Variants in GPC5 observed in about 807,000 individuals in gnomAD.
The protein encoded by GPC5 is glypican 5.
In GPC5, 47 loss-of-function variants were observed where a neutral mutation model predicts 53.9. The observed-to-expected ratio is 0.87, with a 90% CI of 0.69 to 1.11. GPC5 has a LOEUF of 1.11. GPC5 is among the 50% of genes most tolerant of loss of function. The probability of loss-of-function intolerance (pLI) is 0.00; values close to 1 mark genes in which losing one functional copy is unlikely to be tolerated. For missense variants in GPC5, 748 were observed against 713.1 expected (o/e 1.05, Z -0.56); for synonymous variants, 286 against 263.3 (o/e 1.09, Z -0.84).
chr13:92,513,659 T>C (rs1320520572), intron 7 of GPC5, among the ~76,000 whole-genome samples: 1 of 152,090 alleles, frequency 6.6e-6, no homozygotes, highest in African/African-American at 2.4e-5. Flanking sequence ...TTTGAAATGC[T>C]TGGGATAAGA....
intron 7 of GPC5, among the ~76,000 whole-genome samples, chr13:92,545,718 C>A (rs1379245961): frequency 1.3e-5 from 2 of 152,228 alleles, no homozygotes; most frequent in East Asian, 3.9e-4. Context: ...TAAATGTCTT[C>A]TTTTGAGAAG....
intron 2 of GPC5, among the ~76,000 whole-genome samples, chr13:91,602,919 T>C (rs1367727153): frequency 6.6e-6 from 1 of 152,222 alleles, no homozygotes; most frequent in African/African-American, 2.4e-5. Context: ...ACGCCTAGAA[T>C]ATGGAGTTAT....
At chr13:91,717,279 A>G (rs1566633047) in intron 3 of GPC5, among the ~76,000 whole-genome samples, 1 of 152,258 alleles carries the variant, frequency 6.6e-6, no homozygotes, top group Non-Finnish European at 1.5e-5. Flanking sequence ...GTAAATTCAC[A>G]TGAAATAATT....
chr13:91,473,138 A>G (rs1882730933), intron 2 of GPC5, among the ~76,000 whole-genome samples: 1 of 152,162 alleles, frequency 6.6e-6, no homozygotes, highest in South Asian at 2.1e-4. Flanking sequence ...TTATAAAACA[A>G]TCAAATCTCA....
intron 7 of GPC5, among the ~76,000 whole-genome samples, chr13:92,383,389 A>G (rs2043766266): frequency 6.6e-6 from 1 of 152,212 alleles, no homozygotes; most frequent in South Asian, 2.1e-4. Context: ...GAGGACCTCT[A>G]ATACATTTGT....
At chr13:92,383,196 G>T (rs2043764790) in intron 7 of GPC5, among the ~76,000 whole-genome samples, 1 of 152,024 alleles carries the variant, frequency 6.6e-6, no homozygotes. Context: ...AAAGAGGCAG[G>T]CTTATTATTA....
rs1301811324 is a variant in GPC5 at position 92,655,420 on chromosome 13, C to T, written c.1562-210862C>T. On this transcript the variant is annotated intron_variant, in intron 7 of 7. Transcript: ENST00000377067. ...CACAATCTCGACTCACTGCAAACTCCGCTTCCTCGGTTCAAGCGATTCTCT... is the reference window on the plus strand; with the variant it reads ...CACAATCTCGACTCACTGCAAACTCTGCTTCCTCGGTTCAAGCGATTCTCT... Among the ~76,000 whole-genome samples, 7 of 151,946 alleles carry T rather than the reference C, an allele frequency of 4.6e-5. No homozygotes were observed. In the South Asian group the frequency reaches 6.2e-4, roughly 14 times the overall value.
intron 7 of GPC5, among the ~76,000 whole-genome samples, chr13:92,723,753 C>T (rs1316439917): frequency 6.6e-6 from 1 of 151,640 alleles, no homozygotes; most frequent in Non-Finnish European, 1.5e-5. Flanking sequence ...CTTGAAGAAA[C>T]TACTTGAGGA....
chr13:92,320,833 A>G (rs2139222457), intron 7 of GPC5, among the ~76,000 whole-genome samples: 1 of 152,308 alleles, frequency 6.6e-6, no homozygotes, highest in Non-Finnish European at 1.5e-5. Context: ...ATGATTTATG[A>G]AAAACGACTG....
At chr13:92,096,025 C>T (rs1054845064) in intron 6 of GPC5, among the ~76,000 whole-genome samples, 4 of 152,192 alleles carry the variant, frequency 2.6e-5, no homozygotes, top group Non-Finnish European at 5.9e-5. Context: ...GGGACCACAA[C>T]CTAGCTATCC....
chr13:92,586,259 T>C (rs980903322), intron 7 of GPC5, among the ~76,000 whole-genome samples: 8 of 151,996 alleles, frequency 5.3e-5, no homozygotes, highest in Non-Finnish European at 1.2e-4. Context: ...AAGTGAAGAG[T>C]GAATTCTCAT....
At chr13:92,096,629 T>C (rs764092277) in intron 6 of GPC5, among the ~76,000 whole-genome samples, 4 of 152,198 alleles carry the variant, frequency 2.6e-5, no homozygotes, top group Non-Finnish European at 5.9e-5. Context: ...AAAGGGCTAA[T>C]GGAAATAGCT....
intron 2 of GPC5, among the ~76,000 whole-genome samples, chr13:91,494,282 T>C (rs776454577): frequency 2.0e-5 from 3 of 151,544 alleles, no homozygotes; most frequent in African/African-American, 7.3e-5. Context: ...CCTCTCTTTT[T>C]CTTAAGCAAA....
chr13:91,499,879 G>A (rs558939592), intron 2 of GPC5, among the ~76,000 whole-genome samples: 1 of 152,294 alleles, frequency 6.6e-6, no homozygotes, highest in African/African-American at 2.4e-5. Context: ...AATTGCCAAT[G>A]TGCAATATTT....
chr13:92,109,066 T>TTG (rs1258643833), intron 6 of GPC5, among the ~76,000 whole-genome samples: 4 of 143,378 alleles, frequency 2.8e-5, no homozygotes, highest in Non-Finnish European at 4.6e-5. Context: ...TGTTGGTTTT[T>TTG]TTTTTTTTTT....
intron 4 of GPC5, among the ~76,000 whole-genome samples, chr13:91,740,595 T>G (rs2036912035): frequency 6.6e-6 from 1 of 152,182 alleles, no homozygotes; most frequent in African/African-American, 2.4e-5. Context: ...ATGCTAATAA[T>G]GTGCACATCA....
At chr13:91,867,546 C>T (rs572399486) in intron 5 of GPC5, among the ~76,000 whole-genome samples, 1 of 152,248 alleles carries the variant, frequency 6.6e-6, no homozygotes, top group South Asian at 2.1e-4. Context: ...CACATGAATC[C>T]TCAAATGTTA....
chr13:92,772,259 G>T (rs970335060), intron 7 of GPC5, among the ~76,000 whole-genome samples: 1 of 152,076 alleles, frequency 6.6e-6, no homozygotes. Flanking sequence ...GGAAGGCAAG[G>T]CATGATAATC....
At position 91,461,759 on chromosome 13, in the gene GPC5, G is replaced by A. The variant is rs558014338; in HGVS notation, c.325+12837G>A. On this transcript the variant is annotated intron_variant, in intron 2 of 7. Coordinates refer to ENST00000377067, the MANE Select transcript of GPC5 (RefSeq NM_004466.6). ...TTTCTTTAAGCGTGTTATGGCAAAT[G>A]GTATGAAGCCAATTGTCACATTATA... 5.9e-5 allele frequency among the ~76,000 whole-genome samples: 9 copies of A among 152,036 alleles called. No homozygotes were observed. In the East Asian group the frequency reaches 1.7e-3, roughly 29 times the overall value.
Sources: allele counts gnomAD v4.1 joint callset (sites outside exome capture counted in the v4.1 genomes callset), GRCh38; gene constraint gnomAD v4.1.1; transcripts MANE v1.5; gene names NCBI Gene and HGNC (gene_info 2026-07-23, HGNC 2026-07-21).